Variants in CLEC16A observed in about 807,000 individuals in gnomAD.
CLEC16A encodes the protein protein CLEC16A.
Under a neutral mutation model 109.5 loss-of-function variants are expected in CLEC16A, and 51 were observed. That is an observed-to-expected ratio of 0.47 (90% CI 0.37 to 0.59). CLEC16A has a LOEUF of 0.59. Ranked by LOEUF, CLEC16A falls within the 20% of genes least tolerant of loss-of-function variation. The probability of loss-of-function intolerance (pLI) is 0.00; values close to 1 mark genes in which losing one functional copy is unlikely to be tolerated. For missense variants in CLEC16A, 1,339 were observed against 1,394.0 expected (o/e 0.96, Z 0.63); for synonymous variants, 673 against 564.2 (o/e 1.19, Z -2.73).
chr16:10,990,953 G>A (rs1412910279), intron 10 of CLEC16A, among the ~76,000 whole-genome samples: 1 of 152,174 alleles, frequency 6.6e-6, no homozygotes, highest in African/African-American at 2.4e-5. Flanking sequence ...CCTGAAGCCA[G>A]GTCAGTATTA....
chr16:11,035,719 G>A (rs562686906), intron 13 of CLEC16A, among the ~76,000 whole-genome samples: 11 of 152,226 alleles, frequency 7.2e-5, no homozygotes, highest in Non-Finnish European at 1.2e-4. Flanking sequence ...AGCTTACCAT[G>A]CGAAGGCAAT....
chr16:10,969,085 C>T (rs865913864), intron 3 of CLEC16A, 76 bp from the exon 4 acceptor site: 3 of 1,229,090 alleles, frequency 2.4e-6, no homozygotes, highest in Middle Eastern at 2.7e-4. Context: ...AGTACATTAA[C>T]GTGGTCATCT....
chr16:11,028,390 A>G (rs2046545391), intron 13 of CLEC16A, among the ~76,000 whole-genome samples: 1 of 152,130 alleles, frequency 6.6e-6, no homozygotes, highest in Admixed American at 6.5e-5. Flanking sequence ...TCACTCTAGC[A>G]TTTGTACAAG....
chr16:11,171,664 C>T (rs1428227910), intron 23 of CLEC16A, among the ~76,000 whole-genome samples: 4 of 152,128 alleles, frequency 2.6e-5, no homozygotes, highest in South Asian at 2.1e-4. Context: ...GAATATACAG[C>T]GGGAAAGTGA....
At chr16:10,994,192 C>T (rs2044197340) in intron 10 of CLEC16A, among the ~76,000 whole-genome samples, 1 of 152,200 alleles carries the variant, frequency 6.6e-6, no homozygotes, top group Non-Finnish European at 1.5e-5. Context: ...TGGAAGCGGC[C>T]TGCTACCTTT....
At chr16:11,059,972 C>T (rs1209374918) in intron 18 of CLEC16A, among the ~76,000 whole-genome samples, 1 of 152,234 alleles carries the variant, frequency 6.6e-6, no homozygotes, top group Non-Finnish European at 1.5e-5. Flanking sequence ...GGAGAGAGGC[C>T]TGCAGGTGGC....
chr16:10,964,245 A>C (rs1343579480), intron 3 of CLEC16A, among the ~76,000 whole-genome samples: 1 of 152,188 alleles, frequency 6.6e-6, no homozygotes, highest in Non-Finnish European at 1.5e-5. Context: ...CGGTGACCGC[A>C]AGTTGACAAA....
In CLEC16A at chr16:10,962,470, G is replaced by T. The variant is rs752955546; in HGVS notation, c.225G>T (p.Lys75Asn). Residue 75 changes from lysine (K) to asparagine (N), a missense_variant, in exon 3 of 24, where the codon AAG becomes AAT. By Grantham distance (94) the Lys-to-Asn change is moderately conservative (BLOSUM62 0). Coordinates refer to ENST00000409790, the MANE Select transcript of CLEC16A (RefSeq NM_015226.3). The stretch of plus-strand genomic sequence containing the variant: ...CTCTCCCCAGCTTCTTCCTGGAGAA[G>T]AATATGTTTGTTTTCTTCTTGAACA... Reference protein sequence around the residue: ...DSSVFDFFLEKNMFVFFLNIL... With the variant: ...DSSVFDFFLENNMFVFFLNIL... 2 of 1,613,968 alleles carry T rather than the reference G, an allele frequency of 1.2e-6. No individual in the cohort carries two copies. The highest frequency in any genetic ancestry group is 1.1e-5 in the South Asian group (1 of 91,086).
intron 19 of CLEC16A, among the ~76,000 whole-genome samples, chr16:11,094,178 C>A (rs989849893): frequency 6.6e-6 from 1 of 152,188 alleles, no homozygotes; most frequent in African/African-American, 2.4e-5. Flanking sequence ...GGCCCCTTCC[C>A]AGCCTGTGGC....
chr16:11,116,720 A>G (rs2052021245), intron 19 of CLEC16A, among the ~76,000 whole-genome samples: 1 of 152,206 alleles, frequency 6.6e-6, no homozygotes. Context: ...GCATGAGCCC[A>G]GTTTGTTATC....
chr16:11,078,568 C>A (rs1320768785), intron 19 of CLEC16A, among the ~76,000 whole-genome samples: 1 of 152,216 alleles, frequency 6.6e-6, no homozygotes, highest in African/African-American at 2.4e-5. Flanking sequence ...CACCTGCCGT[C>A]CCAGTCACCC....
At chr16:11,054,413 C>T (rs1397955011) in intron 18 of CLEC16A, among the ~76,000 whole-genome samples, 1 of 152,236 alleles carries the variant, frequency 6.6e-6, no homozygotes, top group Admixed American at 6.5e-5. Context: ...TTTTGCCCCT[C>T]ACATGTCACA....
intron 8 of CLEC16A, among the ~76,000 whole-genome samples, chr16:10,979,008 C>T (rs897133893): frequency 2.6e-5 from 4 of 152,168 alleles, no homozygotes; most frequent in East Asian, 1.9e-4. Flanking sequence ...CCTCTCCTGC[C>T]GGGGCGTCCA....
rs553231034 is a variant in CLEC16A, at chr16:11,025,253, A to G, written c.1537+332A>G. Reference sequence around the variant, plus strand: ...TGACTTAGCGTCTGACCTCTTTCCTAACATCAGAACTGAAATCAGTCAAAT... The same window carrying G: ...TGACTTAGCGTCTGACCTCTTTCCTGACATCAGAACTGAAATCAGTCAAAT... On this transcript the variant is annotated intron_variant, in intron 13 of 23. Transcript: ENST00000409790. Among the ~76,000 whole-genome samples, 3 of 152,310 alleles carry G rather than the reference A, an allele frequency of 2.0e-5. No individual in the cohort carries two copies. The East Asian group carries it at 5.8e-4, about 29-fold the overall frequency.
Position 11,128,382 on chromosome 16 carries a change from G to A in CLEC16A, c.2641+2236G>A, listed in dbSNP as rs570255437. 2.0e-4 allele frequency among the ~76,000 whole-genome samples: 31 copies of A among 152,310 alleles called. No individual in the cohort carries two copies. The South Asian group carries it at 3.3e-3, about 16-fold the overall frequency. ...GCTCCAGAACCTGGGCCTGCCTGCCGGGGTGGTTGGCACAGCTGGGATGCC... is the reference window on the plus strand; with the variant it reads ...GCTCCAGAACCTGGGCCTGCCTGCCAGGGTGGTTGGCACAGCTGGGATGCC... On this transcript the variant is annotated intron_variant, in intron 22 of 23. Coordinates refer to ENST00000409790, the MANE Select transcript of CLEC16A (RefSeq NM_015226.3).
intron 23 of CLEC16A, among the ~76,000 whole-genome samples, chr16:11,173,990 C>T (rs1003537131): frequency 6.6e-6 from 1 of 152,178 alleles, no homozygotes; most frequent in African/African-American, 2.4e-5. Context: ...GGGGGGCCAG[C>T]GCCCCATGCA....
chr16:11,120,791 T>C, intron 20 of CLEC16A, 25 bp downstream of exon 20: 2 of 1,487,770 alleles, frequency 1.3e-6, no homozygotes, highest in Non-Finnish European at 1.8e-6. Flanking sequence ...AGCTCTGGGA[T>C]CTGTTCTCAG....
intron 10 of CLEC16A, among the ~76,000 whole-genome samples, chr16:10,990,352 C>A (rs999711087): frequency 6.6e-5 from 10 of 152,188 alleles, no homozygotes; most frequent in African/African-American, 2.4e-4. Flanking sequence ...ACATGAGGTC[C>A]GGTACTAAGG....
chr16:10,965,868 G>GT (rs2042476690), intron 3 of CLEC16A, among the ~76,000 whole-genome samples: 1 of 152,238 alleles, frequency 6.6e-6, no homozygotes, highest in African/African-American at 2.4e-5. Context: ...CTGCTGGGGA[G>GT]TGGAGGGAGC....
Sources: allele counts gnomAD v4.1 joint callset (sites outside exome capture counted in the v4.1 genomes callset), GRCh38; gene constraint gnomAD v4.1.1; transcripts MANE v1.5; gene names NCBI Gene and HGNC (gene_info 2026-07-23, HGNC 2026-07-21).